The following RASGRP3 variants were observed in gnomAD, a reference collection of about 807,000 sequenced individuals.
RASGRP3 encodes the protein ras guanyl-releasing protein 3.
Under a neutral mutation model 82.7 loss-of-function variants are expected in RASGRP3, and 54 were observed. The observed-to-expected ratio is 0.65, with a 90% CI of 0.52 to 0.82. The LOEUF (loss-of-function observed/expected upper bound fraction) is 0.82, where lower values mean the gene tolerates loss of function less well. Ranked by LOEUF, RASGRP3 falls within the 40% of genes least tolerant of loss-of-function variation. The probability of loss-of-function intolerance (pLI) is 0.00; values close to 1 mark genes in which losing one functional copy is unlikely to be tolerated. For synonymous variants in RASGRP3, 309 were observed against 300.5 expected (o/e 1.03, Z -0.29); for missense variants, 861 against 828.9 (o/e 1.04, Z -0.48).
At chr2:33,540,342 C>T (rs187904926) in intron 12 of RASGRP3, among the ~76,000 whole-genome samples, 1 of 145,920 alleles carries the variant, frequency 6.9e-6, no homozygotes, top group Admixed American at 7.1e-5. Context: ...CCAGTGGAGC[C>T]CGTGGTAGTA....
chr2:33,439,911 C>T (rs1242373961), intron 1 of RASGRP3, among the ~76,000 whole-genome samples: 7 of 152,098 alleles, frequency 4.6e-5, no homozygotes, highest in Admixed American at 1.3e-4. Context: ...ATCAGGGCAC[C>T]GAGGCCTGGG....
intron 9 of RASGRP3, 82 bp downstream of exon 9, chr2:33,524,630 A>C (rs1672348747): frequency 9.4e-7 from 1 of 1,066,724 alleles, no homozygotes; most frequent in Non-Finnish European, 1.4e-6. Flanking sequence ...AACAAATGTC[A>C]CTCAGAGTGG....
At chr2:33,466,087 C>A (rs532907224) in intron 2 of RASGRP3, among the ~76,000 whole-genome samples, 1 of 152,166 alleles carries the variant, frequency 6.6e-6, no homozygotes, top group South Asian at 2.1e-4. Context: ...TGCCTGCTAA[C>A]ACAACATCCA....
intron 17 of RASGRP3, 115 bp from the exon 18 acceptor site, chr2:33,562,613 AG>A: frequency 8.7e-7 from 1 of 1,153,204 alleles, no homozygotes; most frequent in Non-Finnish European, 1.3e-6. Context: ...TGAGACTACA[AG>A]GTACTGATCA....
upstream of RASGRP3, among the ~76,000 whole-genome samples, chr2:33,472,960 A>C (rs1265775326): frequency 6.6e-6 from 1 of 151,982 alleles, no homozygotes; most frequent in Non-Finnish European, 1.5e-5. Context: ...AGGGAAAAAA[A>C]GCCAAGCCAC....
intron 1 of RASGRP3, among the ~76,000 whole-genome samples, chr2:33,493,927 G>T (rs1669080021): frequency 6.6e-6 from 1 of 152,088 alleles, no homozygotes; most frequent in South Asian, 2.1e-4. Flanking sequence ...GTGGCTTCGT[G>T]TCAGAAGACC....
intron 2 of RASGRP3, among the ~76,000 whole-genome samples, chr2:33,459,310 A>G (rs1666221029): frequency 6.6e-6 from 1 of 151,836 alleles, no homozygotes. Flanking sequence ...AATTTTTTGT[A>G]TTTTTAGTAG....
At chr2:33,505,463 C>T (rs889361779) in intron 1 of RASGRP3, among the ~76,000 whole-genome samples, 3 of 151,904 alleles carry the variant, frequency 2.0e-5, no homozygotes, top group African/African-American at 4.8e-5. Context: ...CCACCACTCC[C>T]GGCTAATTTT....
At position 33,489,485 on chromosome 2, in the gene RASGRP3, C is replaced by T. The variant is rs545869633; in HGVS notation, c.-261+12778C>T. ...TGGTGTCCAAAAGATCAAATGTTGG[C>T]AGGCAAGGATACTGATATTTAGTCA... On this transcript the variant is annotated intron_variant, in intron 1 of 17. Coordinates refer to ENST00000403687, the MANE Select transcript of RASGRP3 (RefSeq NM_001139488.2). Among the ~76,000 whole-genome samples the T allele has an allele frequency of 6.6e-5, 10 of 152,310 alleles. No homozygotes were observed. In the South Asian group the frequency reaches 2.1e-3, roughly 32 times the overall value.
chr2:33,480,187 C>T (rs1222544447), intron 1 of RASGRP3, among the ~76,000 whole-genome samples: 5 of 151,690 alleles, frequency 3.3e-5, no homozygotes, highest in Admixed American at 6.6e-5. Context: ...GGACTACAGG[C>T]GCCCGCCACC....
chr2:33,564,194 G>C lies in RASGRP3; in HGVS notation c.*1457G>C, dbSNP rs1677000572. Reference sequence around the variant, plus strand: ...ATATGCACAAAGTTAAGAAAAACTTGGTCTTAGCCCTTGGGAGCTGACAGC... The same window carrying C: ...ATATGCACAAAGTTAAGAAAAACTTCGTCTTAGCCCTTGGGAGCTGACAGC... On this transcript the variant is annotated 3_prime_UTR_variant, in exon 18 of 18. Transcript: ENST00000403687. 1 of 152,150 alleles carries C rather than the reference G, an allele frequency of 6.6e-6. No individual in the cohort carries two copies. The highest frequency in any genetic ancestry group is 2.4e-5 in the African/African-American group (1 of 41,442). 9.4% of individuals were successfully genotyped at this position (152,150 alleles called of 1,614,324 possible).
At chr2:33,533,527 T>C (rs1247328312) in intron 10 of RASGRP3, 1 of 152,256 alleles carries the variant, frequency 6.6e-6, no homozygotes, top group Non-Finnish European at 1.5e-5. Context: ...ATTATTTCAT[T>C]TGGTCCTGAC....
At chr2:33,477,502 G>T (rs914141873) in intron 1 of RASGRP3, among the ~76,000 whole-genome samples, 19 of 152,172 alleles carry the variant, frequency 1.2e-4, no homozygotes, top group African/African-American at 4.6e-4. Context: ...TTTATGACCT[G>T]ACTGGGAAAG....
intron 1 of RASGRP3, among the ~76,000 whole-genome samples, chr2:33,495,492 T>A (rs954620249): frequency 2.6e-5 from 4 of 151,744 alleles, no homozygotes; most frequent in African/African-American, 7.3e-5. Flanking sequence ...GCAGCTTGGT[T>A]CCTAACAGGC....
chr2:33,465,056 C>G (rs1002111835), intron 2 of RASGRP3, among the ~76,000 whole-genome samples: 1 of 152,170 alleles, frequency 6.6e-6, no homozygotes, highest in Non-Finnish European at 1.5e-5. Flanking sequence ...CATGATAAAG[C>G]CTAGTGAGGA....
chr2:33,463,020 C>T (rs1666469991), intron 2 of RASGRP3, among the ~76,000 whole-genome samples: 1 of 152,146 alleles, frequency 6.6e-6, no homozygotes, highest in Admixed American at 6.5e-5. Context: ...CTAGAATCAA[C>T]AGTGGCATTT....
intron 11 of RASGRP3, among the ~76,000 whole-genome samples, chr2:33,537,211 C>A (rs1462245285): frequency 2.8e-5 from 4 of 145,040 alleles, no homozygotes; most frequent in African/African-American, 1.0e-4. Context: ...ATATATATAT[C>A]TCAAAACTCC....
intron 2 of RASGRP3, among the ~76,000 whole-genome samples, chr2:33,470,233 G>A (rs4670565): frequency 0.6 from 90,704 of 151,894 alleles, 27,756 homozygotes; most frequent in African/African-American, 0.65. Context: ...AAGTTTTCCA[G>A]TACAGAAAAA....
chr2:33,484,672 C>T (rs1284532694), intron 1 of RASGRP3, among the ~76,000 whole-genome samples: 1 of 152,100 alleles, frequency 6.6e-6, no homozygotes, highest in Non-Finnish European at 1.5e-5. Flanking sequence ...CTCTTCTAGG[C>T]ATTTAAATTG....
Sources: gnomAD v4.1 joint callset for allele counts (sites outside exome capture counted in the v4.1 genomes callset) on GRCh38, gnomAD v4.1.1 for gene constraint, MANE v1.5 for transcripts, NCBI Gene and HGNC (gene_info 2026-07-23, HGNC 2026-07-21) for gene names.